The following ARHGEF40 variants were observed in gnomAD, a reference collection of about 807,000 sequenced individuals.
ARHGEF40 encodes the protein Rho guanine nucleotide exchange factor 40.
In ARHGEF40, 98 loss-of-function variants were observed where a neutral mutation model predicts 165.9. That is an observed-to-expected ratio of 0.59 (90% CI 0.50 to 0.70). The LOEUF (loss-of-function observed/expected upper bound fraction) is 0.70, where lower values mean the gene tolerates loss of function less well. Among genes scored for constraint, ARHGEF40 ranks in the 30% least tolerant of loss-of-function variants. The pLI is 0.00. For missense variants in ARHGEF40, 1,815 were observed against 1,968.0 expected, an observed-to-expected ratio of 0.92 and a Z score of 1.47; for synonymous variants, 792 against 814.3, an observed-to-expected ratio of 0.97 and a Z score of 0.47.
At chr14:21,076,256 C>A in intron 5 of ARHGEF40, 104 bp from the exon 6 acceptor site, 1 of 935,276 alleles carries the variant, frequency 1.1e-6, no homozygotes, top group Non-Finnish European at 1.6e-6. Flanking sequence ...AATTTCTCCT[C>A]AGGACTATTA....
At chr14:21,086,670 T>C in intron 19 of ARHGEF40, 1 of 256,588 alleles carries the variant, frequency 3.9e-6, no homozygotes, top group Non-Finnish European at 7.7e-6. Context: ...TGTAAAGGTA[T>C]GTAAAAATGT....
At position 21,070,610 on chromosome 14, in the gene ARHGEF40, C is replaced by T. The variant is rs1047106344; in HGVS notation, c.3+211C>T. On this transcript the variant is annotated intron_variant, in intron 1 of 23. Transcript: ENST00000298694. This position sits in a 1 kb window ranked among gnomAD's most constrained non-coding sequence, Gnocchi z 4.7. ...CCGGGTATTGCCCTCACCCTTTCTTCCTCCTCTCCTCCGCCTCCTCCCCCA... is the reference window on the plus strand; with the variant it reads ...CCGGGTATTGCCCTCACCCTTTCTTTCTCCTCTCCTCCGCCTCCTCCCCCA... Among the ~76,000 whole-genome samples, 3 of 152,066 alleles carry T rather than the reference C, an allele frequency of 2.0e-5. No homozygotes were observed. The highest frequency in any genetic ancestry group is 7.2e-5 in the African/African-American group (3 of 41,388).
At position 21,075,560 on chromosome 14, in the gene ARHGEF40, C is replaced by T. The variant is rs777007611; in HGVS notation, c.1618+61C>T. Reference sequence around the variant, plus strand: ...TGGGAAAGAGAAGCAATTGGGTGGGCTTGGGGACTGGGGGAGGCAGGGTGG... The same window carrying T: ...TGGGAAAGAGAAGCAATTGGGTGGGTTTGGGGACTGGGGGAGGCAGGGTGG... On this transcript the variant is annotated intron_variant, in intron 4 of 23. Coordinates refer to ENST00000298694, the MANE Select transcript of ARHGEF40 (RefSeq NM_018071.5). The surrounding 1 kb of genome is among the most constrained non-coding windows in gnomAD (Gnocchi z 4.5). 8 of 1,612,772 alleles carry T rather than the reference C, an allele frequency of 5.0e-6. No individual in the cohort carries two copies. In the East Asian group the frequency reaches 1.8e-4, roughly 36 times the overall value.
Position 21,074,895 on chromosome 14 carries a change from G to A in ARHGEF40, c.1165G>A (p.Gly389Arg). 1 of 1,610,510 alleles carries A rather than the reference G, an allele frequency of 6.2e-7. No homozygotes were observed. Among genetic ancestry groups the A allele is most frequent in the Non-Finnish European group, 8.5e-7 (1 of 1,178,612 alleles). ...NRRKKRAAGR[G>R]ALSRGGDSAP... is the part of the protein sequence containing the mutation. ...AAGAAAGAAGCGAGCTGCAGGTCGA[G>A]GGGCTCTTAGCCGAGGAGGGGACAG... Residue 389 changes from glycine to arginine, a missense_variant, in exon 3 of 24, where the codon GGG becomes AGG. Gly to Arg is a moderately radical substitution (Grantham distance 125, BLOSUM62 -2). Coordinates refer to ENST00000298694, the MANE Select transcript of ARHGEF40 (RefSeq NM_018071.5). This position sits in a 1 kb window ranked among gnomAD's most constrained non-coding sequence, Gnocchi z 4.8.
At chr14:21,081,124 TCTC>T in intron 13 of ARHGEF40, 108 bp downstream of exon 13, 1 of 1,499,960 alleles carries the variant, frequency 6.7e-7, no homozygotes, top group Non-Finnish European at 8.9e-7. Flanking sequence ...GAGGGGCCCA[TCTC>T]CTAGGTTTTT....
upstream of ARHGEF40, among the ~76,000 whole-genome samples, chr14:21,065,561 G>C (rs1886219203): frequency 6.6e-6 from 1 of 152,142 alleles, no homozygotes; most frequent in Non-Finnish European, 1.5e-5. Flanking sequence ...AATCAATAGA[G>C]AAAAATGCTA....
chr14:21,084,544 C>T (rs750305013), intron 17 of ARHGEF40, among the ~76,000 whole-genome samples: 6 of 152,196 alleles, frequency 3.9e-5, no homozygotes, highest in Non-Finnish European at 7.3e-5. Flanking sequence ...AGCACCTTGC[C>T]GTCTTCAGAG....
At chr14:21,086,138 G>A (rs1888313124) in intron 19 of ARHGEF40, 1 of 379,314 alleles carries the variant, frequency 2.6e-6, no homozygotes, top group African/African-American at 2.1e-5. Flanking sequence ...CGCATTTTGG[G>A]AGGCCAAAGT....
In ARHGEF40 at chr14:21,085,842, T is replaced by C; in HGVS notation, c.4114T>C (p.Trp1372Arg). The C allele has an allele frequency of 6.2e-7, 1 of 1,613,994 alleles. No individual in the cohort carries two copies. The highest frequency in any genetic ancestry group is 8.5e-7 in the Non-Finnish European group (1 of 1,180,016). Residue 1372 changes from tryptophan (W) to arginine (R), a missense_variant, in exon 19 of 24, where the codon TGG becomes CGG. Physicochemically the swap from Trp to Arg is moderately radical, Grantham distance 101. Coordinates refer to ENST00000298694, the MANE Select transcript of ARHGEF40 (RefSeq NM_018071.5). Reference sequence around the variant, plus strand: ...GACAAGTTCTATTGCCCAGCTGCTGTGGAGACAGGCAGCCCACAACAAGGG... The same window carrying C: ...GACAAGTTCTATTGCCCAGCTGCTGCGGAGACAGGCAGCCCACAACAAGGG... ...KWTSSIAQLL[W>R]RQAAHNKELR...
Position 21,072,915 on chromosome 14 carries a change from G to C in ARHGEF40, c.4-130G>C, listed in dbSNP as rs1887091931. On this transcript the variant is annotated intron_variant, in intron 1 of 23. Transcript: ENST00000298694. This position sits in a 1 kb window ranked among gnomAD's most constrained non-coding sequence, Gnocchi z 4.1. ...GGGCTCATCAGCCAGCATTTCCTGA[G>C]TGCTCACTTTTTGCCCACATTGTAC... The C allele has an allele frequency of 1.4e-5, 13 of 931,308 alleles. No homozygotes were observed. Among genetic ancestry groups the C allele is most frequent in the African/African-American group, 1.6e-5 (1 of 60,726 alleles). 57.7% of individuals were successfully genotyped at this position (931,308 alleles called of 1,614,324 possible).
At chr14:21,083,587 A>G (rs769283954) in intron 16 of ARHGEF40, among the ~76,000 whole-genome samples, 2 of 152,220 alleles carry the variant, frequency 1.3e-5, no homozygotes, top group Non-Finnish European at 2.9e-5. Context: ...GTTCAAAGCC[A>G]GAAAGTAAAG....
chr14:21,088,342 G>A (rs998038146), intron 22 of ARHGEF40, among the ~76,000 whole-genome samples: 8 of 152,094 alleles, frequency 5.3e-5, no homozygotes, highest in Non-Finnish European at 1.0e-4. Flanking sequence ...GGGGTGGATG[G>A]AAAGGGGAGA....
chr14:21,068,936 C>G (rs1025145298), upstream of ARHGEF40, among the ~76,000 whole-genome samples: 2 of 152,262 alleles, frequency 1.3e-5, no homozygotes, highest in Non-Finnish European at 2.9e-5. Flanking sequence ...GCACCCCCGC[C>G]TCCCCTCCCG....
chr14:21,068,599 T>C (rs548653120), upstream of ARHGEF40, among the ~76,000 whole-genome samples: 12 of 152,056 alleles, frequency 7.9e-5, no homozygotes, highest in African/African-American at 2.4e-4. Context: ...CTGGGCAGTA[T>C]TTACGGAATG....
chr14:21,074,571 G>A lies in ARHGEF40; in HGVS notation c.841G>A (p.Gly281Ser). 6.4e-7 allele frequency: 1 copy of A among 1,554,644 alleles called. No homozygotes were observed. Among genetic ancestry groups the A allele is most frequent in the Non-Finnish European group, 8.7e-7 (1 of 1,150,196 alleles). ...VPTRKGAGGKGRHRRHRAWMH... is the reference protein window; with the variant it reads ...VPTRKGAGGKSRHRRHRAWMH... ...CACCCGCAAGGGCGCTGGAGGGAAG[G>A]GCCGCCACCGGAGACACCGGGCGTG... Residue 281 changes from glycine to serine, a missense_variant, in exon 3 of 24, where the codon GGC (glycine) becomes AGC (serine). Gly to Ser is a moderately conservative substitution (Grantham distance 56, BLOSUM62 0). Coordinates refer to ENST00000298694, the MANE Select transcript of ARHGEF40 (RefSeq NM_018071.5). The surrounding 1 kb of genome is among the most constrained non-coding windows in gnomAD (Gnocchi z 4.8).
rs1223200215 is a variant in ARHGEF40, at chr14:21,074,757, G to C, written c.1027G>C (p.Glu343Gln). Residue 343 changes from glutamate (E) to glutamine (Q), a missense_variant, in exon 3 of 24, where the codon GAA becomes CAA. Transcript: ENST00000298694. The surrounding 1 kb of genome is among the most constrained non-coding windows in gnomAD (Gnocchi z 4.8). ...TGAGCCCCCAGCAGAGGCTGTGGGA[G>C]AAGCCTCCGGATCTTGCCCCCTGAG... ...VSEPPAEAVG[E>Q]ASGSCPLRPG... The C allele has an allele frequency of 6.2e-7, 1 of 1,609,622 alleles. No individual in the cohort carries two copies. Among genetic ancestry groups the C allele is most frequent in the Non-Finnish European group, 8.5e-7 (1 of 1,178,768 alleles).
At chr14:21,087,503 C>T in intron 21 of ARHGEF40, 40 bp downstream of exon 21, 2 of 1,594,438 alleles carry the variant, frequency 1.3e-6, no homozygotes, top group Non-Finnish European at 1.7e-6. Context: ...ACAGCTCGGT[C>T]ATGGTGGTGA....
Position 21,070,385 on chromosome 14 carries a change from C to T in ARHGEF40, c.-12C>T, listed in dbSNP as rs186973954. ...GCCCGACCAAGCGTCGGACGCGGCC[C>T]GGCGCCGAGCCATGGTGAGTCCAGC... On this transcript the variant is annotated 5_prime_UTR_variant, in exon 1 of 24. Coordinates refer to ENST00000298694, the MANE Select transcript of ARHGEF40 (RefSeq NM_018071.5). The surrounding 1 kb of genome is among the most constrained non-coding windows in gnomAD (Gnocchi z 4.7). 2.8e-6 allele frequency: 4 copies of T among 1,410,752 alleles called. No homozygotes were observed. Among genetic ancestry groups the T allele is most frequent in the South Asian group, 3.0e-5 (2 of 65,632 alleles). 87.4% of individuals were successfully genotyped at this position (1,410,752 alleles called of 1,614,324 possible).
At chr14:21,067,781 C>T (rs186065167), upstream of ARHGEF40, among the ~76,000 whole-genome samples, 436 of 151,826 alleles carry the variant, frequency 2.9e-3, 2 homozygotes, top group African/African-American at 0.01. Context: ...CACACACACA[C>T]ACACTTTTAG....
Sources: gnomAD v4.1 joint callset for allele counts (sites outside exome capture counted in the v4.1 genomes callset) on GRCh38, gnomAD v4.1.1 for gene constraint, Gnocchi (gnomAD v3.1) non-coding constraint, MANE v1.5 for transcripts, NCBI Gene and HGNC (gene_info 2026-07-23, HGNC 2026-07-21) for gene names.